The following TNKS variants were observed in gnomAD, a reference collection of about 807,000 sequenced individuals.
TNKS encodes the protein tankyrase.
TNKS carries 72 observed loss-of-function variants against 135.8 expected under a neutral mutation model. The ratio of observed to expected loss-of-function variants is 0.53; its 90% confidence interval spans 0.44 to 0.64. TNKS has a LOEUF of 0.64. Ranked by LOEUF, TNKS falls within the 30% of genes least tolerant of loss-of-function variation. The pLI, the probability that TNKS is intolerant of heterozygous loss-of-function variation, is 0.00. For missense variants in TNKS, 1,769 were observed against 1,674.0 expected, an observed-to-expected ratio of 1.06 and a Z score of -0.99; for synonymous variants, 849 against 649.3, an observed-to-expected ratio of 1.31 and a Z score of -4.68.
At chr8:9,628,364 G>GT (rs923788877) in intron 3 of TNKS, among the ~76,000 whole-genome samples, 8 of 151,822 alleles carry the variant, frequency 5.3e-5, no homozygotes, top group Non-Finnish European at 7.4e-5. Context: ...GTTATTGTTT[G>GT]TTTTTTTCTC....
At chr8:9,644,208 A>G (rs1325064460) in intron 3 of TNKS, among the ~76,000 whole-genome samples, 1 of 152,194 alleles carries the variant, frequency 6.6e-6, no homozygotes, top group East Asian at 1.9e-4. Context: ...TGGTAGCACA[A>G]CAGTGTGAGT....
intron 11 of TNKS, among the ~76,000 whole-genome samples, chr8:9,716,827 G>C (rs564671085): frequency 3.3e-5 from 5 of 151,412 alleles, no homozygotes; most frequent in African/African-American, 1.2e-4. Flanking sequence ...CCTAAATGTG[G>C]TCTTTTACAA....
intron 1 of TNKS, among the ~76,000 whole-genome samples, chr8:9,574,854 C>T (rs1340722821): frequency 6.6e-6 from 1 of 151,956 alleles, no homozygotes; most frequent in Non-Finnish European, 1.5e-5. Context: ...ATAAAAAAGT[C>T]AAGAGAGAAA....
intron 17 of TNKS, among the ~76,000 whole-genome samples, chr8:9,740,112 C>T (rs1805859517): frequency 6.8e-6 from 1 of 146,046 alleles, no homozygotes; most frequent in South Asian, 2.2e-4. Context: ...CAAACACTGT[C>T]ATCAGTTGTA....
At chr8:9,718,683 G>C (rs1309011415) in intron 11 of TNKS, among the ~76,000 whole-genome samples, 1 of 152,096 alleles carries the variant, frequency 6.6e-6, no homozygotes, top group Non-Finnish European at 1.5e-5. Context: ...GGAAAAGTGG[G>C]AATATGTTTT....
At chr8:9,714,910 G>A (rs1174432193) in intron 11 of TNKS, among the ~76,000 whole-genome samples, 1 of 152,188 alleles carries the variant, frequency 6.6e-6, no homozygotes, top group Admixed American at 6.6e-5. Flanking sequence ...TTTAAGATTA[G>A]AAAGATCTAC....
intron 3 of TNKS, among the ~76,000 whole-genome samples, chr8:9,662,485 T>C (rs1801767398): frequency 6.6e-6 from 1 of 152,116 alleles, no homozygotes; most frequent in Admixed American, 6.5e-5. Context: ...CTCAGCAAAC[T>C]ATCGCAAGGA....
In TNKS at chr8:9,702,740, G is replaced by A. The variant is rs994445417; in HGVS notation, c.1108-1923G>A. Among the ~76,000 whole-genome samples the A allele has an allele frequency of 2.3e-5, 3 of 129,878 alleles. No homozygotes were observed. The Admixed American group carries it at 2.3e-4, about 10-fold the overall frequency. The allele number at this position is 129,878 out of a possible 152,430, so 85.2% of individuals were successfully genotyped here. ...ACATGGCATTTTACATTTTAAAAAA[G>A]CACAGTGGCTCACGCCTGTAATCCC... On this transcript the variant is annotated intron_variant, in intron 5 of 26. Transcript: ENST00000310430.
intron 20 of TNKS, among the ~76,000 whole-genome samples, chr8:9,760,481 A>C (rs765811865): frequency 6.6e-6 from 1 of 152,226 alleles, no homozygotes; most frequent in Non-Finnish European, 1.5e-5. Context: ...TTGCAAGTTA[A>C]AAAGTGGAAA....
intron 5 of TNKS, among the ~76,000 whole-genome samples, chr8:9,686,553 CT>C (rs1322208560): frequency 6.6e-6 from 1 of 152,106 alleles, no homozygotes. Flanking sequence ...AAGATTCCAT[CT>C]TTTTTTCAGC....
intron 17 of TNKS, among the ~76,000 whole-genome samples, chr8:9,743,905 T>C (rs1303797762): frequency 6.6e-6 from 1 of 152,224 alleles, no homozygotes; most frequent in Non-Finnish European, 1.5e-5. Flanking sequence ...TAAACACAGA[T>C]TAATTGACTA....
In TNKS at chr8:9,565,920, G is replaced by C. The variant is rs185051114; in HGVS notation, c.673+9308G>C. Reference sequence around the variant, plus strand: ...ACTCCCTGATGCCTTGTTAAAGTGTGTGTATACACACTTTTTTGTGTCTAC... The same window carrying C: ...ACTCCCTGATGCCTTGTTAAAGTGTCTGTATACACACTTTTTTGTGTCTAC... On this transcript the variant is annotated intron_variant, in intron 1 of 26. Coordinates refer to ENST00000310430, the MANE Select transcript of TNKS (RefSeq NM_003747.3). Among the ~76,000 whole-genome samples the C allele has an allele frequency of 5.3e-5, 8 of 152,238 alleles. No homozygotes were observed. In the East Asian group the frequency reaches 1.3e-3, roughly 26 times the overall value.
chr8:9,776,730 G>C lies in TNKS; in HGVS notation c.3978G>C (p.Lys1326Asn), dbSNP rs372614885. 9 of 1,613,830 alleles carry C rather than the reference G, an allele frequency of 5.6e-6. No homozygotes were observed. Among genetic ancestry groups the C allele is most frequent in the Non-Finnish European group, 6.8e-6 (8 of 1,179,886 alleles). ...PSQTATAAEQ[K>N]T is the part of the protein sequence containing the mutation. ...AGACCGCAACAGCCGCAGAGCAGAA[G>C]ACCTAGTGAATGCCTGCTGGTGAAG... Residue 1326 changes from lysine to asparagine, a missense_variant, in exon 27 of 27, where the codon AAG becomes AAC. Transcript: ENST00000310430.
At chr8:9,729,424 T>C (rs1442145423) in intron 13 of TNKS, among the ~76,000 whole-genome samples, 4 of 152,244 alleles carry the variant, frequency 2.6e-5, no homozygotes, top group Non-Finnish European at 5.9e-5. Context: ...CCAGGGACCC[T>C]GCAATCGTCC....
At chr8:9,772,775 G>A (rs1807988013) in intron 26 of TNKS, among the ~76,000 whole-genome samples, 1 of 149,202 alleles carries the variant, frequency 6.7e-6, no homozygotes, top group African/African-American at 2.5e-5. Flanking sequence ...TATATAACTT[G>A]TAAACGTTTT....
At chr8:9,632,638 C>T (rs1036720772) in intron 3 of TNKS, among the ~76,000 whole-genome samples, 1 of 152,176 alleles carries the variant, frequency 6.6e-6, no homozygotes, top group Non-Finnish European at 1.5e-5. Context: ...GCTGTCACCT[C>T]TTTTCTACAG....
At chr8:9,695,469 G>A (rs188930515) in intron 5 of TNKS, among the ~76,000 whole-genome samples, 2 of 152,270 alleles carry the variant, frequency 1.3e-5, no homozygotes, top group East Asian at 3.9e-4. Context: ...GGTGAAGTTG[G>A]AAAGTTGTGG....
intron 14 of TNKS, 34 bp from the exon 15 acceptor site, chr8:9,733,240 GTTTGT>G: frequency 6.6e-7 from 1 of 1,517,252 alleles, no homozygotes; most frequent in Non-Finnish European, 8.8e-7. Flanking sequence ...TAACTCAAAG[GTTTGT>G]TTTATGACTT....
chr8:9,565,834 G>C (rs1276530030), intron 1 of TNKS, among the ~76,000 whole-genome samples: 1 of 152,040 alleles, frequency 6.6e-6, no homozygotes, highest in Non-Finnish European at 1.5e-5. Context: ...TCCAGCCTGG[G>C]TGACAGAGCA....
Sources: allele counts gnomAD v4.1 joint callset (sites outside exome capture counted in the v4.1 genomes callset), GRCh38; gene constraint gnomAD v4.1.1; transcripts MANE v1.5; gene names NCBI Gene and HGNC (gene_info 2026-07-23, HGNC 2026-07-21).